RAB8B: variants seen among roughly 807,000 people sequenced by gnomAD.
RAB8B encodes the protein RAB8B, member RAS oncogene family, also known as ras-related protein Rab-8B.
A neutral mutation model predicts 32.0 loss-of-function variants in RAB8B; 11 were observed. The observed-to-expected ratio is 0.34, with a 90% CI of 0.22 to 0.57. The LOEUF is 0.57. RAB8B is among the 20% of genes least tolerant of loss of function. The pLI is 0.86. For synonymous variants in RAB8B, 103 were observed against 89.6 expected, an observed-to-expected ratio of 1.15 and a Z score of -0.85; for missense variants, 190 against 258.5, an observed-to-expected ratio of 0.73 and a Z score of 1.82.
At chr15:63,221,143 T>C (rs935448780) in intron 1 of RAB8B, among the ~76,000 whole-genome samples, 1 of 152,140 alleles carries the variant, frequency 6.6e-6, no homozygotes, top group African/African-American at 2.4e-5. Flanking sequence ...TGGGGAGATC[T>C]TGAAAAATGC....
chr15:63,258,100 GT>G (rs71131155), intron 5 of RAB8B, among the ~76,000 whole-genome samples: 19,698 of 142,106 alleles, frequency 0.14, 1,697 homozygotes, highest in East Asian at 0.46. Context: ...AGTAAGTATA[GT>G]TTTTTTTTTT....
chr15:63,221,156 A>G (rs568568092), intron 1 of RAB8B, among the ~76,000 whole-genome samples: 1 of 152,314 alleles, frequency 6.6e-6, no homozygotes, highest in Non-Finnish European at 1.5e-5. Context: ...AAAAATGCTT[A>G]GAGGCAGGGA....
At chr15:63,258,100 G>GTTTT (rs71131155) in intron 5 of RAB8B, among the ~76,000 whole-genome samples, 3 of 142,184 alleles carry the variant, frequency 2.1e-5, no homozygotes. Flanking sequence ...AGTAAGTATA[G>GTTTT]TTTTTTTTTT....
chr15:63,219,904 C>T (rs1226818119), intron 1 of RAB8B, among the ~76,000 whole-genome samples: 1 of 152,130 alleles, frequency 6.6e-6, no homozygotes, highest in Admixed American at 6.5e-5. Context: ...TTTCTGCTTT[C>T]TACTCTTTCT....
intron 1 of RAB8B, among the ~76,000 whole-genome samples, chr15:63,235,598 A>G (rs1211280474): frequency 6.6e-6 from 1 of 151,380 alleles, no homozygotes; most frequent in East Asian, 1.9e-4. Context: ...ATTGAGTATT[A>G]TCCTTAATTT....
rs548775419 is a variant in RAB8B, at chr15:63,243,369, G to A, written c.125-1387G>A. Among the ~76,000 whole-genome samples the A allele has an allele frequency of 4.6e-5, 7 of 152,314 alleles. No individual in the cohort carries two copies. In the South Asian group the frequency reaches 8.3e-4, roughly 18 times the overall value. On this transcript the variant is annotated intron_variant, in intron 1 of 7. Transcript: ENST00000321437. ...CAAAGCTGAGTAGCCAGATGATGAC[G>A]ATTTAGCAAATTGCAACTAAGTTGT...
intron 1 of RAB8B, among the ~76,000 whole-genome samples, chr15:63,220,390 T>G (rs1229511818): frequency 1.3e-5 from 2 of 152,208 alleles, no homozygotes; most frequent in Non-Finnish European, 2.9e-5. Context: ...GGCCGGTGTT[T>G]TTAATATGGA....
At chr15:63,222,937 A>G (rs1470649294) in intron 1 of RAB8B, 6 of 340,814 alleles carry the variant, frequency 1.8e-5, no homozygotes, top group Non-Finnish European at 3.5e-5. Flanking sequence ...TTTAAATATA[A>G]TTTTGGTGTA....
chr15:63,250,776 T>C (rs1305744497), intron 3 of RAB8B, among the ~76,000 whole-genome samples: 1 of 150,306 alleles, frequency 6.7e-6, no homozygotes, highest in East Asian at 1.9e-4. Flanking sequence ...TGATGAAATC[T>C]AGTATGCTCA....
intron 1 of RAB8B, among the ~76,000 whole-genome samples, chr15:63,202,289 A>G (rs6494398): frequency 7.2e-4 from 108 of 149,126 alleles, no homozygotes; most frequent in East Asian, 5.9e-4. Context: ...AAAAGAAAAA[A>G]GAAAAAAAAG....
chr15:63,193,438 G>A (rs139895063), intron 1 of RAB8B, among the ~76,000 whole-genome samples: 155 of 152,246 alleles, frequency 1.0e-3, no homozygotes, highest in East Asian at 8.3e-3. Context: ...CAAGTGCCTA[G>A]GACCAACTCG....
rs143448794 is a variant in RAB8B at position 63,211,314 on chromosome 15, G to T, written c.124+21566G>T. Among the ~76,000 whole-genome samples the T allele has an allele frequency of 4.8e-3, 732 of 152,298 alleles. 2 individuals are homozygous for T. The highest frequency in any genetic ancestry group is 0.017 in the Middle Eastern group (5 of 294). On this transcript the variant is annotated intron_variant, in intron 1 of 7. Coordinates refer to ENST00000321437, the MANE Select transcript of RAB8B (RefSeq NM_016530.3). ...CTTCACAGATGTTCCTGAAACTACA[G>T]CCAGATTGAGTGAATTCTTGTCCCT...
intron 3 of RAB8B, among the ~76,000 whole-genome samples, chr15:63,249,927 G>A (rs2038101942): frequency 6.6e-6 from 1 of 151,630 alleles, no homozygotes; most frequent in African/African-American, 2.4e-5. Flanking sequence ...ATGAGGTCAG[G>A]AGATCGAGAC....
At chr15:63,262,658 A>T (rs2038212879) in intron 6 of RAB8B, 34 bp from the exon 7 acceptor site, 2 of 864,044 alleles carry the variant, frequency 2.3e-6, no homozygotes, top group Non-Finnish European at 3.3e-6. Context: ...TATAGTGAAT[A>T]TATAATAATG....
At chr15:63,208,396 G>T (rs1419716947) in intron 1 of RAB8B, among the ~76,000 whole-genome samples, 1 of 152,082 alleles carries the variant, frequency 6.6e-6, no homozygotes, top group African/African-American at 2.4e-5. Context: ...AATGCTGGTA[G>T]TAATAGATGG....
chr15:63,214,288 T>C (rs79704564), intron 1 of RAB8B, among the ~76,000 whole-genome samples: 1 of 132,508 alleles, frequency 7.5e-6, no homozygotes, highest in Non-Finnish European at 1.6e-5. Context: ...GTTTCTTTCT[T>C]TTTTTTTTTT....
At chr15:63,247,080 C>G (rs1567019349) in intron 2 of RAB8B, among the ~76,000 whole-genome samples, 1 of 152,122 alleles carries the variant, frequency 6.6e-6, no homozygotes, top group Non-Finnish European at 1.5e-5. Context: ...GCTGGGAAAC[C>G]CAAGATCAGG....
chr15:63,192,912 A>G (rs940708390), intron 1 of RAB8B, among the ~76,000 whole-genome samples: 1 of 152,174 alleles, frequency 6.6e-6, no homozygotes, highest in African/African-American at 2.4e-5. Context: ...TGGGAAACAT[A>G]GCGAGACTCT....
At chr15:63,247,009 A>G (rs1232893080) in intron 2 of RAB8B, among the ~76,000 whole-genome samples, 1 of 152,236 alleles carries the variant, frequency 6.6e-6, no homozygotes, top group Non-Finnish European at 1.5e-5. Context: ...AGCTACTATA[A>G]CAAAAATACC....
Sources: allele counts gnomAD v4.1 joint callset (sites outside exome capture counted in the v4.1 genomes callset), GRCh38; gene constraint gnomAD v4.1.1; transcripts MANE v1.5; gene names NCBI Gene and HGNC (gene_info 2026-07-23, HGNC 2026-07-21).